CTNNA3: variants seen among roughly 807,000 people sequenced by gnomAD.
CTNNA3 encodes the protein catenin alpha-3.
A neutral mutation model predicts 95.7 loss-of-function variants in CTNNA3; 76 were observed. That is an observed-to-expected ratio of 0.79 (90% confidence interval 0.66 to 0.96). CTNNA3 has a LOEUF of 0.96. CTNNA3 is among the 40% of genes least tolerant of loss of function. The pLI, the probability that CTNNA3 is intolerant of heterozygous loss-of-function variation, is 0.00. For synonymous variants in CTNNA3, 431 were observed against 374.4 expected, an observed-to-expected ratio of 1.15 and a Z score of -1.74; for missense variants, 1,191 against 1,089.8, an observed-to-expected ratio of 1.09 and a Z score of -1.31.
intron 9 of CTNNA3, among the ~76,000 whole-genome samples, chr10:66,724,840 T>C (rs976046367): frequency 1.3e-5 from 2 of 152,160 alleles, no homozygotes; most frequent in Non-Finnish European, 2.9e-5. Context: ...TCAACAAATA[T>C]GTGTATATGT....
chr10:66,509,579 C>G (rs1244770138), intron 11 of CTNNA3, among the ~76,000 whole-genome samples: 1 of 151,894 alleles, frequency 6.6e-6, no homozygotes, highest in Non-Finnish European at 1.5e-5. Context: ...CAATCTTCTG[C>G]ATATGAATAT....
chr10:66,530,953 A>C (rs754989807), intron 10 of CTNNA3, among the ~76,000 whole-genome samples: 6 of 152,162 alleles, frequency 3.9e-5, no homozygotes, highest in Non-Finnish European at 8.8e-5. Context: ...CTCATAAAAC[A>C]TACTGCTGAA....
intron 10 of CTNNA3, among the ~76,000 whole-genome samples, chr10:66,592,843 A>G (rs1843597567): frequency 1.3e-5 from 2 of 152,176 alleles, no homozygotes; most frequent in Non-Finnish European, 2.9e-5. Context: ...TATTAGGCAT[A>G]TAAGTTAGAG....
intron 9 of CTNNA3, among the ~76,000 whole-genome samples, chr10:66,724,604 G>C (rs1202109252): frequency 6.6e-6 from 1 of 152,162 alleles, no homozygotes; most frequent in Non-Finnish European, 1.5e-5. Flanking sequence ...TAAGTGATAA[G>C]GGGATATCAT....
chr10:65,962,223 C>G (rs998478521), intron 17 of CTNNA3, among the ~76,000 whole-genome samples: 1 of 152,094 alleles, frequency 6.6e-6, no homozygotes, highest in African/African-American at 2.4e-5. Context: ...AGTTCCAGAA[C>G]CAAAGACCCA....
intron 5 of CTNNA3, among the ~76,000 whole-genome samples, chr10:67,399,970 C>A (rs1164673337): frequency 6.6e-6 from 1 of 151,948 alleles, no homozygotes; most frequent in Non-Finnish European, 1.5e-5. Flanking sequence ...GCACAACATG[C>A]AGGTTTGTTA....
intron 17 of CTNNA3, among the ~76,000 whole-genome samples, chr10:65,942,807 T>A (rs1413575148): frequency 6.6e-6 from 1 of 151,968 alleles, no homozygotes; most frequent in Non-Finnish European, 1.5e-5. Context: ...GGCTCTGGAA[T>A]AAAAAAACCT....
At chr10:66,494,680 A>G (rs1017861534) in intron 11 of CTNNA3, among the ~76,000 whole-genome samples, 1 of 152,204 alleles carries the variant, frequency 6.6e-6, no homozygotes, top group Non-Finnish European at 1.5e-5. Context: ...AGTTTAGGAC[A>G]TAGGAAATGT....
At chr10:67,036,507 T>C (rs1375031944) in intron 7 of CTNNA3, among the ~76,000 whole-genome samples, 1 of 151,982 alleles carries the variant, frequency 6.6e-6, no homozygotes, top group Admixed American at 6.6e-5. Flanking sequence ...CTACTAAAAA[T>C]ACAAAACTTA....
intron 16 of CTNNA3, among the ~76,000 whole-genome samples, chr10:65,974,429 T>A (rs1031360255): frequency 6.6e-6 from 1 of 152,204 alleles, no homozygotes; most frequent in Non-Finnish European, 1.5e-5. Flanking sequence ...AATGAAATTA[T>A]GTCTCTTGCA....
At chr10:67,532,746 A>C (rs1312590386) in intron 4 of CTNNA3, among the ~76,000 whole-genome samples, 1 of 152,210 alleles carries the variant, frequency 6.6e-6, no homozygotes, top group Non-Finnish European at 1.5e-5. Flanking sequence ...AAGAGAACTT[A>C]TACCAGTTCT....
chr10:66,566,446 A>G (rs904702140), intron 10 of CTNNA3, among the ~76,000 whole-genome samples: 6 of 152,236 alleles, frequency 3.9e-5, no homozygotes, highest in African/African-American at 1.4e-4. Flanking sequence ...GCCCAGATTG[A>G]AATGCAGCTT....
intron 5 of CTNNA3, among the ~76,000 whole-genome samples, chr10:67,312,075 C>CT (rs5785820): frequency 0.67 from 94,895 of 142,332 alleles, 35,318 homozygotes; most frequent in Non-Finnish European, 0.83. Context: ...ATTTAAATTA[C>CT]TTTTTTTTTT....
At chr10:66,296,879 T>G (rs1478915541) in intron 12 of CTNNA3, among the ~76,000 whole-genome samples, 1 of 152,122 alleles carries the variant, frequency 6.6e-6, no homozygotes, top group African/African-American at 2.4e-5. Flanking sequence ...GGGGGCAATA[T>G]TAAAAGATGG....
chr10:67,429,513 T>C (rs1326772772), intron 5 of CTNNA3, among the ~76,000 whole-genome samples: 1 of 152,024 alleles, frequency 6.6e-6, no homozygotes, highest in African/African-American at 2.4e-5. Flanking sequence ...ATTTGTGTTG[T>C]ATATAGTTAG....
chr10:66,998,625 T>G (rs1207228737), intron 7 of CTNNA3, among the ~76,000 whole-genome samples: 1 of 152,082 alleles, frequency 6.6e-6, no homozygotes, highest in East Asian at 1.9e-4. Context: ...TAAAGAAGTT[T>G]CTATGGAACA....
At chr10:67,489,464 A>T (rs1848572282) in intron 5 of CTNNA3, among the ~76,000 whole-genome samples, 1 of 152,166 alleles carries the variant, frequency 6.6e-6, no homozygotes, top group East Asian at 1.9e-4. Context: ...GCATGTATTC[A>T]CTAGAAGCAG....
chr10:67,251,243 T>C (rs940578257), intron 5 of CTNNA3, among the ~76,000 whole-genome samples: 1 of 152,124 alleles, frequency 6.6e-6, no homozygotes, highest in African/African-American at 2.4e-5. Context: ...AAAGGCCACA[T>C]GGTATGAGTT....
intron 1 of CTNNA3, among the ~76,000 whole-genome samples, chr10:67,652,699 T>C (rs1455171584): frequency 6.9e-6 from 1 of 144,092 alleles, no homozygotes; most frequent in Non-Finnish European, 1.5e-5. Context: ...TAATACGAAT[T>C]ATAACATTTT....
Sources: allele counts gnomAD v4.1 joint callset (sites outside exome capture counted in the v4.1 genomes callset), GRCh38; gene constraint gnomAD v4.1.1; transcripts MANE v1.5; gene names NCBI Gene and HGNC (gene_info 2026-07-23, HGNC 2026-07-21).